The following CLMP variants were observed in gnomAD, a reference collection of about 807,000 sequenced individuals.
The protein encoded by CLMP is CXADR-like membrane protein.
A neutral mutation model predicts 45.2 loss-of-function variants in CLMP; 27 were observed. The observed-to-expected ratio is 0.60, with a 90% confidence interval of 0.44 to 0.82. The LOEUF is 0.82. CLMP is among the 40% of genes least tolerant of loss of function. CLMP has a pLI of 0.00. For missense variants in CLMP, 403 were observed against 448.4 expected (o/e 0.90, Z 0.91); for synonymous variants, 167 against 171.4 (o/e 0.97, Z 0.20).
chr11:123,154,199 C>T (rs1861381099), intron 1 of CLMP, among the ~76,000 whole-genome samples: 1 of 152,176 alleles, frequency 6.6e-6, no homozygotes, highest in African/African-American at 2.4e-5. Context: ...TCTCTCACCC[C>T]CTCCTCCATG....
intron 1 of CLMP, among the ~76,000 whole-genome samples, chr11:123,172,152 T>C (rs1565403266): frequency 6.6e-6 from 1 of 152,164 alleles, no homozygotes; most frequent in East Asian, 1.9e-4. Flanking sequence ...CCACTTTCTT[T>C]CTATTTTATT....
Position 123,073,094 on chromosome 11 carries a change from T to C in CLMP, c.*380A>G, listed in dbSNP as rs11218951. The C allele has an allele frequency of 0.021, 3,628 of 174,184 alleles. 117 individuals carry two copies. Among genetic ancestry groups the C allele is most frequent in the East Asian group, 0.17 (1,004 of 6,070 alleles). The allele number at this position is 174,184 out of a possible 1,614,324, so 10.8% of individuals were successfully genotyped here. On this transcript the variant is annotated 3_prime_UTR_variant, in exon 7 of 7. Transcript: ENST00000448775. ...ATGCATAGAAAATTTACAAACAGCA[T>C]CCCATTTCCTCTTGAAAATTGTGAA...
rs1378632598 is a variant in CLMP, at chr11:123,072,053, C to T, written c.*1421G>A. On this transcript the variant is annotated 3_prime_UTR_variant, in exon 7 of 7. Transcript: ENST00000448775. The stretch of plus-strand genomic sequence containing the variant: ...CATCTCTTCCCTAAATATTAGTACC[C>T]TTTTCTTCCAGCCCAGAGCTAGACT... 1 of 152,162 alleles carries T rather than the reference C, an allele frequency of 6.6e-6. No homozygotes were observed. Among genetic ancestry groups the T allele is most frequent in the East Asian group, 1.9e-4 (1 of 5,200 alleles). 9.4% of individuals were successfully genotyped at this position (152,162 alleles called of 1,614,324 possible).
intron 2 of CLMP, among the ~76,000 whole-genome samples, chr11:123,092,500 A>T (rs1330800097): frequency 6.6e-6 from 1 of 151,790 alleles, no homozygotes; most frequent in East Asian, 1.9e-4. Context: ...GTGTCACCAT[A>T]TTGGCCAGGT....
intron 1 of CLMP, among the ~76,000 whole-genome samples, chr11:123,113,775 C>T (rs980169796): frequency 6.6e-6 from 1 of 152,128 alleles, no homozygotes; most frequent in African/African-American, 2.4e-5. Context: ...TAATAATTGT[C>T]AGGATAAGGA....
intron 1 of CLMP, among the ~76,000 whole-genome samples, chr11:123,128,427 C>T (rs1027611626): frequency 5.3e-5 from 8 of 152,020 alleles, no homozygotes; most frequent in South Asian, 2.1e-4. Flanking sequence ...CCTGTAATTC[C>T]GAGGTGGGAG....
intron 1 of CLMP, among the ~76,000 whole-genome samples, chr11:123,143,515 G>T (rs1369858984): frequency 6.8e-6 from 1 of 147,350 alleles, no homozygotes; most frequent in Non-Finnish European, 1.5e-5. Flanking sequence ...AACCGCCTAT[G>T]GGGGGCGGGG....
At chr11:123,089,882 C>G (rs1865910322) in intron 2 of CLMP, among the ~76,000 whole-genome samples, 2 of 151,356 alleles carry the variant, frequency 1.3e-5, no homozygotes. Context: ...GGCAGATCAC[C>G]CGAGGTCGGG....
chr11:123,132,940 G>A (rs1565392479), intron 1 of CLMP, among the ~76,000 whole-genome samples: 1 of 151,196 alleles, frequency 6.6e-6, no homozygotes, highest in Admixed American at 6.6e-5. Flanking sequence ...GCTAATTTTT[G>A]TATTTTTTGG....
intron 1 of CLMP, among the ~76,000 whole-genome samples, chr11:123,157,352 C>T (rs770659394): frequency 6.6e-5 from 10 of 151,952 alleles, no homozygotes; most frequent in African/African-American, 9.7e-5. Flanking sequence ...GTCAGGAATT[C>T]GAAATCTGCC....
intron 1 of CLMP, among the ~76,000 whole-genome samples, chr11:123,170,210 T>C (rs577087205): frequency 9.2e-5 from 14 of 152,298 alleles, no homozygotes; most frequent in Admixed American, 7.2e-4. Context: ...TTCATTTCCT[T>C]CCTTATTTGT....
rs562812997 is a variant in CLMP, at chr11:123,082,619, T to G, written c.679+466A>C. ...CTGGGCTGGTTTTTTTTGTGTGTGT[T>G]TTTTTTTTTGAGAGGGAGTCTCAGT... On this transcript the variant is annotated intron_variant, in intron 5 of 6. Coordinates refer to ENST00000448775, the MANE Select transcript of CLMP (RefSeq NM_024769.5). Among the ~76,000 whole-genome samples, 170 of 149,182 alleles carry G rather than the reference T, an allele frequency of 1.1e-3. 2 individuals carry two copies. Among genetic ancestry groups the G allele is most frequent in the African/African-American group, 3.5e-3 (143 of 40,664 alleles).
intron 1 of CLMP, among the ~76,000 whole-genome samples, chr11:123,124,394 C>T (rs190832042): frequency 1.3e-5 from 2 of 152,252 alleles, no homozygotes. Context: ...CACCCCTACC[C>T]CACAAAACCC....
At chr11:123,153,718 T>G (rs1279585880) in intron 1 of CLMP, among the ~76,000 whole-genome samples, 1 of 152,200 alleles carries the variant, frequency 6.6e-6, no homozygotes, top group African/African-American at 2.4e-5. Flanking sequence ...GGTCTCACTT[T>G]GTCCCCCAGG....
At chr11:123,122,729 C>T (rs1429885771) in intron 1 of CLMP, among the ~76,000 whole-genome samples, 1 of 152,164 alleles carries the variant, frequency 6.6e-6, no homozygotes, top group Non-Finnish European at 1.5e-5. Context: ...TAATTTTGAC[C>T]TATGAAACCC....
At chr11:123,083,482 C>G (rs1436328647) in intron 4 of CLMP, among the ~76,000 whole-genome samples, 198 bp downstream of exon 4, 2 of 152,110 alleles carry the variant, frequency 1.3e-5, no homozygotes, top group Non-Finnish European at 2.9e-5. Context: ...CTTCCAATCT[C>G]TTTTACTACT....
intron 5 of CLMP, among the ~76,000 whole-genome samples, chr11:123,080,920 G>A (rs926762661): frequency 6.6e-6 from 1 of 152,004 alleles, no homozygotes; most frequent in African/African-American, 2.4e-5. Context: ...CGAGGTGGGC[G>A]GATCACGAGG....
At chr11:123,137,204 A>G (rs1861088243) in intron 1 of CLMP, among the ~76,000 whole-genome samples, 1 of 115,024 alleles carries the variant, frequency 8.7e-6, no homozygotes, top group Admixed American at 1.3e-4. Context: ...CCCAGGCTGG[A>G]GTGCAGTGGC....
chr11:123,075,681 G>A (rs892142268), intron 5 of CLMP, among the ~76,000 whole-genome samples: 1 of 151,998 alleles, frequency 6.6e-6, no homozygotes, highest in African/African-American at 2.4e-5. Context: ...GCCACCGCGC[G>A]CAACCAAGTG....
Sources: allele counts gnomAD v4.1 joint callset (sites outside exome capture counted in the v4.1 genomes callset), GRCh38; gene constraint gnomAD v4.1.1; transcripts MANE v1.5; gene names NCBI Gene and HGNC (gene_info 2026-07-23, HGNC 2026-07-21).